Variants in LEMD3 observed in about 807,000 individuals in gnomAD.
LEMD3 encodes inner nuclear membrane protein Man1.
In LEMD3, 33 loss-of-function variants were observed where a neutral mutation model predicts 95.2. The observed-to-expected ratio is 0.35, with a 90% CI of 0.26 to 0.46. LEMD3 has a LOEUF of 0.46. LEMD3 is among the 20% of genes least tolerant of loss of function. LEMD3 has a pLI of 1.00. For missense variants in LEMD3, 1,210 were observed against 1,192.8 expected (o/e 1.01, Z -0.21); for synonymous variants, 525 against 474.6 (o/e 1.11, Z -1.38).
At position 65,239,871 on chromosome 12, in the gene LEMD3, ATAT is replaced by A. The variant is rs545655759; in HGVS notation, c.1922-53_1922-51del. 8 of 1,129,408 alleles carry A rather than the reference ATAT, an allele frequency of 7.1e-6. No individual in the cohort carries two copies. The South Asian group carries it at 8.9e-5, about 13-fold the overall frequency. The allele number at this position is 1,129,408 out of a possible 1,614,324, so 70.0% of individuals were successfully genotyped here. ...TGTGGCAGTTAAAATAATCACTGAA[ATAT>A]TATTGAATGATATTGACCACAATTT... On this transcript the variant is annotated intron_variant, in intron 6 of 12. Transcript: ENST00000308330.
At chr12:65,192,814 A>T (rs1869284956) in intron 1 of LEMD3, among the ~76,000 whole-genome samples, 1 of 152,194 alleles carries the variant, frequency 6.6e-6, no homozygotes, top group Admixed American at 6.5e-5. Flanking sequence ...ATATTCAATG[A>T]ATATCTGTCA....
rs1028412469 is a variant in LEMD3, at chr12:65,247,507, A to T, written c.*1182A>T. Reference sequence around the variant, plus strand: ...ATTGACTGTTGCTTTGTGCCTCAGTATTTAATTTGTTTCAGTAAACTTACT... The same window carrying T: ...ATTGACTGTTGCTTTGTGCCTCAGTTTTTAATTTGTTTCAGTAAACTTACT... On this transcript the variant is annotated 3_prime_UTR_variant, in exon 13 of 13. Coordinates refer to ENST00000308330, the MANE Select transcript of LEMD3 (RefSeq NM_014319.5). 3 of 152,242 alleles carry T rather than the reference A, an allele frequency of 2.0e-5. No individual in the cohort carries two copies. The highest frequency in any genetic ancestry group is 7.2e-5 in the African/African-American group (3 of 41,448). The allele number at this position is 152,242 out of a possible 1,614,324, so 9.4% of individuals were successfully genotyped here.
chr12:65,182,688 A>G (rs978268912), intron 1 of LEMD3, among the ~76,000 whole-genome samples: 1 of 152,148 alleles, frequency 6.6e-6, no homozygotes, highest in African/African-American at 2.4e-5. Context: ...GCTGATCACT[A>G]AAAGGTAGAT....
chr12:65,178,679 G>T (rs1158001642), intron 1 of LEMD3, among the ~76,000 whole-genome samples: 1 of 152,160 alleles, frequency 6.6e-6, no homozygotes, highest in Non-Finnish European at 1.5e-5. Flanking sequence ...TCCTTATGAG[G>T]TAGGTACTTA....
chr12:65,191,807 C>G (rs1869248536), intron 1 of LEMD3, among the ~76,000 whole-genome samples: 1 of 151,498 alleles, frequency 6.6e-6, no homozygotes, highest in Non-Finnish European at 1.5e-5. Context: ...TGCCTGTGGT[C>G]CCGGTTACTC....
rs760207766 is a variant in LEMD3 at position 65,170,237 on chromosome 12, A to G, written c.641A>G (p.Asp214Gly). The change falls in exon 1 of 13, where the codon GAT (aspartate) becomes GGT (glycine). Residue 214 changes from aspartate to glycine, a missense_variant. Asp to Gly is a moderately conservative substitution (Grantham distance 94). Transcript: ENST00000308330. ...GPELQTPPGK[D>G]GAVEDEEGEG... ...GAGCTGCAGACCCCGCCGGGGAAAG[A>G]TGGAGCAGTGGAGGACGAGGAAGGG... The G allele has an allele frequency of 1.3e-6, 2 of 1,530,836 alleles. No individual in the cohort carries two copies. The highest frequency in any genetic ancestry group is 1.2e-5 in the South Asian group (1 of 80,882). 94.8% of individuals were successfully genotyped at this position (1,530,836 alleles called of 1,614,324 possible).
Position 65,239,938 on chromosome 12 carries a change from T to C in LEMD3, c.1931T>C (p.Met644Thr), listed in dbSNP as rs754855189. The change falls in exon 7 of 13, where the codon ATG becomes ACG. Residue 644 changes from methionine (M) to threonine (T), a missense_variant. This residue lies in a region of LEMD3 where 461 missense variants were observed against 569.8 expected (regional missense o/e 0.81). Transcript: ENST00000308330. ...TATATTAATATTACAGGTGTAGTGA[T>C]GGTTTGTGTCGTTCTGCGTTACATG... ...RLLLLCLGVV[M>T]VCVVLRYMKY... 1 of 1,605,570 alleles carries C rather than the reference T, an allele frequency of 6.2e-7. No individual in the cohort carries two copies. Among genetic ancestry groups the C allele is most frequent in the Admixed American group, 1.7e-5 (1 of 59,986 alleles).
rs1592425986 is a variant in LEMD3, at chr12:65,171,252, G to C, written c.1522+134G>C. 1.2e-5 allele frequency: 17 copies of C among 1,462,540 alleles called. No homozygotes were observed. In the East Asian group the frequency reaches 4.2e-4, roughly 36 times the overall value. The allele number at this position is 1,462,540 out of a possible 1,614,324, so 90.6% of individuals were successfully genotyped here. A position where few individuals can be genotyped will look rare whatever the true frequency, so the allele number is the denominator to read the frequency against. ...TAACAGCAAAAACGCAACAGTGCGT[G>C]CATGTGTCATCTTTCTTAAAGAACA... is the stretch of plus-strand genomic sequence containing the variant. On this transcript the variant is annotated intron_variant, in intron 1 of 12. Transcript: ENST00000308330.
chr12:65,170,575 A>T lies in LEMD3; in HGVS notation c.979A>T (p.Ser327Cys). The T allele has an allele frequency of 6.2e-7, 1 of 1,613,852 alleles. No homozygotes were observed. The highest frequency in any genetic ancestry group is 8.5e-7 in the Non-Finnish European group (1 of 1,179,928). Reference sequence around the variant, plus strand: ...GAATGACAGGGCGGCGGCTGCCGGGAGTCTAGACAGGAGCCGAAACCTCGA... The same window carrying T: ...GAATGACAGGGCGGCGGCTGCCGGGTGTCTAGACAGGAGCCGAAACCTCGA... ...AMNDRAAAAG[S>C]LDRSRNLEEA... is the part of the protein sequence containing the mutation. The change falls in exon 1 of 13, where the codon AGT becomes TGT. Residue 327 changes from serine (S) to cysteine (C), a missense_variant. Coordinates refer to ENST00000308330, the MANE Select transcript of LEMD3 (RefSeq NM_014319.5).
intron 2 of LEMD3, among the ~76,000 whole-genome samples, chr12:65,214,541 T>C (rs751018597): frequency 2.0e-5 from 3 of 152,138 alleles, no homozygotes; most frequent in Non-Finnish European, 4.4e-5. Context: ...GTATAACCGA[T>C]TAAAGCTGCA....
chr12:65,194,595 A>T (rs930552399), intron 1 of LEMD3, among the ~76,000 whole-genome samples: 1 of 151,748 alleles, frequency 6.6e-6, no homozygotes, highest in African/African-American at 2.4e-5. Context: ...GCTTGAAAAG[A>T]CGTATCAAAA....
intron 2 of LEMD3, among the ~76,000 whole-genome samples, 163 bp from the exon 3 acceptor site, chr12:65,215,814 G>T (rs1006497632): frequency 1.3e-5 from 2 of 151,216 alleles, no homozygotes; most frequent in African/African-American, 2.4e-5. Context: ...TTAGATTAAG[G>T]TTTCTTAAAA....
At chr12:65,216,713 A>C (rs1183464008) in intron 3 of LEMD3, among the ~76,000 whole-genome samples, 1 of 152,104 alleles carries the variant, frequency 6.6e-6, no homozygotes. Context: ...GCAGTTTTCA[A>C]ACTTTTCTAT....
rs144391834 is a variant in LEMD3, at chr12:65,186,214, G to A, written c.1522+15096G>A. 6.4e-3 allele frequency among the ~76,000 whole-genome samples: 976 copies of A among 152,064 alleles called. 11 individuals carry two copies. Among genetic ancestry groups the A allele is most frequent in the African/African-American group, 0.021 (890 of 41,530 alleles). On this transcript the variant is annotated intron_variant, in intron 1 of 12. Transcript: ENST00000308330. Reference sequence around the variant, plus strand: ...GGAGCTAGTATTTCTTGCCTCAAGAGATTTTTTTTTTCTTTTACATTTTGC... The same window carrying A: ...GGAGCTAGTATTTCTTGCCTCAAGAAATTTTTTTTTTCTTTTACATTTTGC...
At position 65,170,031 on chromosome 12, in the gene LEMD3, C is replaced by T; in HGVS notation, c.435C>T (p.Asp145=). The T allele has an allele frequency of 2.0e-6, 3 of 1,517,206 alleles. No individual in the cohort carries two copies. Among genetic ancestry groups the T allele is most frequent in the Non-Finnish European group, 2.6e-6 (3 of 1,140,320 alleles). The allele number at this position is 1,517,206 out of a possible 1,614,324, so 94.0% of individuals were successfully genotyped here. The part of the protein sequence containing the change: ...VLLGFSSDES[D]VEASPRDQAG... ...TGGGCTTCAGCTCGGACGAGTCGGA[C>T]GTGGAGGCCAGTCCCCGGGACCAGG... The change falls in exon 1 of 13, where the codon GAC becomes GAT. Residue 145 remains aspartate (D), a synonymous_variant. Coordinates refer to ENST00000308330, the MANE Select transcript of LEMD3 (RefSeq NM_014319.5).
At chr12:65,188,961 A>G (rs765218776) in intron 1 of LEMD3, among the ~76,000 whole-genome samples, 3 of 152,178 alleles carry the variant, frequency 2.0e-5, no homozygotes, top group Non-Finnish European at 2.9e-5. Flanking sequence ...CACAGGCAGT[A>G]TGTTTCAAGA....
chr12:65,169,593 G>C lies in LEMD3; in HGVS notation c.-4G>C, dbSNP rs1868435898. 1 of 1,588,786 alleles carries C rather than the reference G, an allele frequency of 6.3e-7. No homozygotes were observed. The highest frequency in any genetic ancestry group is 8.6e-7 in the Non-Finnish European group (1 of 1,169,442). On this transcript the variant is annotated 5_prime_UTR_variant, in exon 1 of 13. Coordinates refer to ENST00000308330, the MANE Select transcript of LEMD3 (RefSeq NM_014319.5). Reference sequence around the variant, plus strand: ...CGGAGCTTGTAAAACACCCTGGAGAGAAAATGGCGGCGGCAGCAGCTTCGG... The same window carrying C: ...CGGAGCTTGTAAAACACCCTGGAGACAAAATGGCGGCGGCAGCAGCTTCGG...
intron 4 of LEMD3, among the ~76,000 whole-genome samples, chr12:65,222,486 A>T (rs569828093): frequency 6.6e-6 from 1 of 152,312 alleles, no homozygotes; most frequent in South Asian, 2.1e-4. Context: ...TTTCAGAAGA[A>T]TTTGAATAGG....
At chr12:65,214,543 A>T (rs1324536110) in intron 2 of LEMD3, among the ~76,000 whole-genome samples, 1 of 152,192 alleles carries the variant, frequency 6.6e-6, no homozygotes, top group Non-Finnish European at 1.5e-5. Context: ...ATAACCGATT[A>T]AAGCTGCAAT....
Sources: allele counts gnomAD v4.1 joint callset (sites outside exome capture counted in the v4.1 genomes callset), GRCh38; gene constraint gnomAD v4.1.1; regional missense constraint gnomAD v4.1.1; transcripts MANE v1.5; gene names NCBI Gene and HGNC (gene_info 2026-07-23, HGNC 2026-07-21).